CSF2RA: variants seen among roughly 807,000 people sequenced by gnomAD.
The protein encoded by CSF2RA is colony stimulating factor 2 receptor subunit alpha, also known as granulocyte-macrophage colony-stimulating factor receptor subunit alpha.
CSF2RA carries 42 observed loss-of-function variants against 51.6 expected under a neutral mutation model. That is an observed-to-expected ratio of 0.81 (90% CI 0.64 to 1.05). The LOEUF (loss-of-function observed/expected upper bound fraction) is 1.05, where lower values mean the gene tolerates loss of function less well. Among genes scored for constraint, CSF2RA ranks in the 50% least tolerant of loss-of-function variants. The probability of loss-of-function intolerance (pLI) is 0.00; values close to 1 mark genes in which losing one functional copy is unlikely to be tolerated. For missense variants in CSF2RA, 530 were observed against 501.1 expected (o/e 1.06, Z -0.55); for synonymous variants, 222 against 193.0 (o/e 1.15, Z -1.24).
intron 2 of CSF2RA, among the ~76,000 whole-genome samples, chrX:1,275,759 C>T (rs2089106430): frequency 6.6e-6 from 1 of 151,760 alleles, no homozygotes; most frequent in Non-Finnish European, 1.5e-5. Flanking sequence ...GGGGTTTCAC[C>T]GTGTTAGCCA....
At chrX:1,284,758 G>A (rs1412893991) in intron 3 of CSF2RA, among the ~76,000 whole-genome samples, 2 of 145,276 alleles carry the variant, frequency 1.4e-5, no homozygotes, top group Non-Finnish European at 3.0e-5. Flanking sequence ...TCCACCTCCC[G>A]GGTTCAACCG....
chrX:1,273,747 ATTTTTT>A (rs749510441), intron 1 of CSF2RA, among the ~76,000 whole-genome samples: 2 of 122,472 alleles, frequency 1.6e-5, no homozygotes, highest in African/African-American at 7.2e-5. Context: ...CGCCCAGCTA[ATTTTTT>A]TTTTTTTTTT....
At chrX:1,272,781 G>T (rs1163146072) in intron 1 of CSF2RA, among the ~76,000 whole-genome samples, 1 of 145,448 alleles carries the variant, frequency 6.9e-6, no homozygotes, top group African/African-American at 2.5e-5. Flanking sequence ...ATGAGCCACT[G>T]CACCTAGCTT....
At position 1,294,513 on chromosome X, in the gene CSF2RA, C is replaced by T. The variant is rs760566571; in HGVS notation, c.780+52C>T. ...CACCAGGAGGGAGGCGTACGGGACA[C>T]GCCCGCACAGGAGCCTGGGAATCCC... On this transcript the variant is annotated intron_variant, in intron 8 of 12. Transcript: ENST00000381529. The T allele has an allele frequency of 2.4e-5, 38 of 1,610,036 alleles. No individual in the cohort carries two copies. In the Admixed American group the frequency reaches 3.5e-4, roughly 15 times the overall value.
At chrX:1,305,801 C>A in intron 12 of CSF2RA, 2 of 1,548,682 alleles carry the variant, frequency 1.3e-6, no homozygotes, top group Non-Finnish European at 1.7e-6. Context: ...GTAGAGAGGG[C>A]CAGGCACGGT....
chrX:1,282,404 T>G lies in CSF2RA; in HGVS notation c.-26-274T>G, dbSNP rs1183663619. 129 of 551,324 alleles carry G rather than the reference T, an allele frequency of 2.3e-4. 2 individuals carry two copies. The highest frequency in any genetic ancestry group is 9.8e-4 in the Middle Eastern group (2 of 2,038). 34.2% of individuals were successfully genotyped at this position (551,324 alleles called of 1,614,324 possible). ...TTAGTGTCAGCTATGGGTTCCCTCA[T>G]GAAGGTCAGCTGAGCCATGACCCAT... On this transcript the variant is annotated intron_variant, in intron 2 of 12. Transcript: ENST00000381529.
rs755930892 is a variant in CSF2RA at position 1,288,830 on chromosome X, G to T, written c.415G>T (p.Ala139Ser). The T allele has an allele frequency of 1.2e-6, 2 of 1,613,806 alleles. No homozygotes were observed. Among genetic ancestry groups the T allele is most frequent in the Non-Finnish European group, 1.7e-6 (2 of 1,179,878 alleles). The change falls in exon 6 of 13, where the codon GCG becomes TCG. Residue 139 changes from alanine to serine, a missense_variant. Transcript: ENST00000381529. ...TGCGGATTTAATGAACTGTACCTGG[G>T]CGAGGGGTCCGACGGCCCCCCGTGA... The part of the protein sequence containing the change: ...YNADLMNCTW[A>S]RGPTAPRDVQ...
chrX:1,324,661 G>A, the CSF2RA span, among the ~76,000 whole-genome samples: 1 of 152,262 alleles, frequency 6.6e-6, no homozygotes, highest in East Asian at 1.9e-4. Context: ...TGGCCCCACT[G>A]TGGATGGAGA....
At chrX:1,285,619 C>A in intron 3 of CSF2RA, 159 bp from the exon 4 acceptor site, 4 of 771,130 alleles carry the variant, frequency 5.2e-6, no homozygotes, top group Admixed American at 3.7e-5. Flanking sequence ...CATTTGAACC[C>A]GGGTGGTGGA....
At position 1,282,191 on chromosome X, in the gene CSF2RA, C is replaced by A. The variant is rs775154932; in HGVS notation, c.-26-487C>A. 1.1e-4 allele frequency: 19 copies of A among 178,780 alleles called. 2 individuals are homozygous for A. The highest frequency in any genetic ancestry group is 3.0e-3 in the Middle Eastern group (1 of 338). 11.1% of individuals were successfully genotyped at this position (178,780 alleles called of 1,614,324 possible). A position where few individuals can be genotyped will look rare whatever the true frequency, so the allele number is the denominator to read the frequency against. On this transcript the variant is annotated intron_variant, in intron 2 of 12. Transcript: ENST00000381529. ...CTGCACTCCAGCCTGGGTGACAGAGCGTGACTTTGTCTCAAAAAAGAAAAA... is the reference window on the plus strand; with the variant it reads ...CTGCACTCCAGCCTGGGTGACAGAGAGTGACTTTGTCTCAAAAAAGAAAAA...
chrX:1,282,828 G>T, intron 3 of CSF2RA, 49 bp downstream of exon 3: 1 of 1,487,084 alleles, frequency 6.7e-7, no homozygotes, highest in Non-Finnish European at 9.4e-7. Context: ...CTGTTTAGAT[G>T]TCCTGCATCT....
the CSF2RA span, among the ~76,000 whole-genome samples, chrX:1,321,446 G>A: frequency 6.6e-6 from 1 of 151,838 alleles, no homozygotes; most frequent in South Asian, 2.1e-4. Flanking sequence ...TCCAGCCTGG[G>A]TGACAGAGTG....
chrX:1,315,301 A>G, downstream of CSF2RA, among the ~76,000 whole-genome samples: 1 of 152,276 alleles, frequency 6.6e-6, no homozygotes, highest in East Asian at 1.9e-4. Context: ...GACAGATGAA[A>G]AATATATATG....
At chrX:1,325,107 T>C in the CSF2RA span, among the ~76,000 whole-genome samples, 1 of 151,136 alleles carries the variant, frequency 6.6e-6, no homozygotes, top group Non-Finnish European at 1.5e-5. Flanking sequence ...ACGCCTGTCA[T>C]CCCAGCACTT....
At chrX:1,317,172 A>T in the CSF2RA span, among the ~76,000 whole-genome samples, 5 of 147,190 alleles carry the variant, frequency 3.4e-5, no homozygotes, top group Non-Finnish European at 5.9e-5. Context: ...ATGGTCTCGA[A>T]CTCCTGACCT....
At chrX:1,322,190 C>A in the CSF2RA span, among the ~76,000 whole-genome samples, 53,496 of 150,874 alleles carry the variant, frequency 0.35, 9,790 homozygotes, top group Non-Finnish European at 0.4. Flanking sequence ...AACGCAACCT[C>A]CACCTCCCAG....
rs1177745131 is a variant in CSF2RA at position 1,279,486 on chromosome X, G to T, written c.-26-3192G>T. Among the ~76,000 whole-genome samples, 29 of 152,178 alleles carry T rather than the reference G, an allele frequency of 1.9e-4. No individual in the cohort carries two copies. The South Asian group carries it at 5.6e-3, about 29-fold the overall frequency. On this transcript the variant is annotated intron_variant, in intron 2 of 12. Transcript: ENST00000381529. Reference sequence around the variant, plus strand: ...TCTACACCTGTTACCACCACCTGGGGAGTTGTATCTGAATCTCAAGGTCAG... The same window carrying T: ...TCTACACCTGTTACCACCACCTGGGTAGTTGTATCTGAATCTCAAGGTCAG...
the CSF2RA span, among the ~76,000 whole-genome samples, chrX:1,317,868 C>T: frequency 2.0e-5 from 3 of 151,276 alleles, no homozygotes; most frequent in Admixed American, 1.3e-4. Flanking sequence ...AGTGCAGTGG[C>T]GACTCTTGGC....
At chrX:1,294,243 G>C (rs1463460797) in intron 7 of CSF2RA, 85 bp from the exon 8 acceptor site, 5 of 1,549,934 alleles carry the variant, frequency 3.2e-6, no homozygotes, top group Non-Finnish European at 4.5e-6. Flanking sequence ...GTGTAGACAG[G>C]AGGAGACTCT....
Sources: allele counts gnomAD v4.1 joint callset (sites outside exome capture counted in the v4.1 genomes callset), GRCh38; gene constraint gnomAD v4.1.1; transcripts MANE v1.5; gene names NCBI Gene and HGNC (gene_info 2026-07-23, HGNC 2026-07-21).